KLHL29: variants seen among roughly 807,000 people sequenced by gnomAD.
The protein encoded by KLHL29 is kelch like family member 29, also known as kelch-like protein 29.
Under a neutral mutation model 80.4 loss-of-function variants are expected in KLHL29, and 21 were observed. That is an observed-to-expected ratio of 0.26 (90% confidence interval 0.19 to 0.38). KLHL29 has a LOEUF of 0.38. Ranked by LOEUF, KLHL29 falls within the 10% of genes least tolerant of loss-of-function variation. The probability of loss-of-function intolerance (pLI) is 1.00; values close to 1 mark genes in which losing one functional copy is unlikely to be tolerated. For synonymous variants in KLHL29, 511 were observed against 526.8 expected (o/e 0.97, Z 0.41); for missense variants, 867 against 1,223.9 (o/e 0.71, Z 4.35).
intron 2 of KLHL29, among the ~76,000 whole-genome samples, chr2:23,550,188 G>T (rs1052020657): frequency 3.3e-5 from 5 of 152,200 alleles, no homozygotes; most frequent in African/African-American, 9.7e-5. Context: ...AAGGAGGTGG[G>T]CAGTGAACTT....
At chr2:23,582,497 C>T (rs955837121) in intron 3 of KLHL29, among the ~76,000 whole-genome samples, 6 of 152,084 alleles carry the variant, frequency 3.9e-5, no homozygotes, top group African/African-American at 1.4e-4. Context: ...TCAGGGGTCC[C>T]GGGGGCTTGG....
At chr2:23,403,711 AAGAGAG>A (rs370645378) in intron 1 of KLHL29, among the ~76,000 whole-genome samples, 1 of 140,142 alleles carries the variant, frequency 7.1e-6, no homozygotes, top group African/African-American at 2.7e-5. Flanking sequence ...ATGAAACCCA[AAGAGAG>A]AGAGAGAGAG....
At chr2:23,526,878 T>C (rs1272598499) in intron 2 of KLHL29, among the ~76,000 whole-genome samples, 1 of 152,194 alleles carries the variant, frequency 6.6e-6, no homozygotes, top group East Asian at 1.9e-4. Flanking sequence ...GTGGGTTTTT[T>C]TTGTCCACCA....
intron 1 of KLHL29, among the ~76,000 whole-genome samples, chr2:23,439,287 G>T (rs1375225836): frequency 6.6e-6 from 1 of 152,094 alleles, no homozygotes; most frequent in Non-Finnish European, 1.5e-5. Flanking sequence ...ATTTTTTGAA[G>T]GGTTTTTTTT....
rs1664084690 is a variant in KLHL29, at chr2:23,457,361, A to T, written c.-153-18199A>T. Among the ~76,000 whole-genome samples the T allele has an allele frequency of 6.6e-6, 1 of 152,092 alleles. No individual in the cohort carries two copies. The highest frequency in any genetic ancestry group is 2.4e-5 in the African/African-American group (1 of 41,416). ...GGCTTTGAGCTGTGGGGACCTAGAGAAGAGACAGCCAGAGGTTCTTAATTC... is the reference window on the plus strand; with the variant it reads ...GGCTTTGAGCTGTGGGGACCTAGAGTAGAGACAGCCAGAGGTTCTTAATTC... On this transcript the variant is annotated intron_variant, in intron 1 of 13. Transcript: ENST00000486442. This position sits in a 1 kb window ranked among gnomAD's most constrained non-coding sequence, Gnocchi z 4.3.
At chr2:23,614,070 C>T (rs1021523508) in intron 3 of KLHL29, among the ~76,000 whole-genome samples, 2 of 152,214 alleles carry the variant, frequency 1.3e-5, no homozygotes, top group Non-Finnish European at 2.9e-5. Context: ...AGATGCGTAT[C>T]TGACGGCCTC....
intron 1 of KLHL29, among the ~76,000 whole-genome samples, chr2:23,453,029 G>A (rs897565140): frequency 6.6e-6 from 1 of 151,604 alleles, no homozygotes; most frequent in African/African-American, 2.4e-5. Context: ...CTGGGTCTGG[G>A]TTTGCCTCCC....
chr2:23,498,532 G>A (rs896194162), intron 2 of KLHL29, among the ~76,000 whole-genome samples: 5 of 152,242 alleles, frequency 3.3e-5, no homozygotes, highest in Non-Finnish European at 7.3e-5. Flanking sequence ...TGAGGCTCAG[G>A]AAGGTTTTCG....
chr2:23,516,786 G>A (rs1241580080), intron 2 of KLHL29, among the ~76,000 whole-genome samples: 2 of 152,356 alleles, frequency 1.3e-5, no homozygotes, highest in East Asian at 3.9e-4. Flanking sequence ...CACTGGGGAG[G>A]CCACAGAGGA....
At chr2:23,569,900 C>T (rs1042462550) in intron 3 of KLHL29, among the ~76,000 whole-genome samples, 3 of 152,188 alleles carry the variant, frequency 2.0e-5, no homozygotes, top group African/African-American at 7.2e-5. Context: ...TGGCCTAAGC[C>T]TTCGAAAAGC....
intron 3 of KLHL29, among the ~76,000 whole-genome samples, chr2:23,594,213 G>C (rs1443843408): frequency 6.6e-6 from 1 of 152,148 alleles, no homozygotes; most frequent in African/African-American, 2.4e-5. Flanking sequence ...TTATTTGGGA[G>C]TGCTCCGGGG....
At chr2:23,693,248 G>T in intron 7 of KLHL29, 21 bp from the exon 8 acceptor site, 1 of 1,535,384 alleles carries the variant, frequency 6.5e-7, no homozygotes. Context: ...TGGGTCAGTG[G>T]TCCTGCGCTG....
intron 1 of KLHL29, among the ~76,000 whole-genome samples, chr2:23,417,733 C>T (rs1006696100): frequency 1.3e-5 from 2 of 152,176 alleles, no homozygotes; most frequent in Admixed American, 6.5e-5. Context: ...TGCTCTTTTC[C>T]TGTCATAGAC....
Position 23,562,339 on chromosome 2 carries a change from G to A in KLHL29, c.143G>A (p.Ser48Asn), listed in dbSNP as rs1323014033. 1.3e-6 allele frequency: 2 copies of A among 1,544,562 alleles called. No individual in the cohort carries two copies. The highest frequency in any genetic ancestry group is 2.0e-5 in the Admixed American group (1 of 50,858). Residue 48 changes from serine (S) to asparagine (N), a missense_variant, in exon 3 of 14, where the codon AGC (serine) becomes AAC (asparagine). This residue lies in a region of KLHL29 where 424 missense variants were observed against 456.9 expected (regional missense o/e 0.93). Coordinates refer to ENST00000486442, the MANE Select transcript of KLHL29 (RefSeq NM_052920.2). This position sits in a 1 kb window ranked among gnomAD's most constrained non-coding sequence, Gnocchi z 4.5. ...GGTGGCGGCACAGCCAGCAGCCTCA[G>A]CGTCCGGCCCGGCCTCCTGCCGCTG... The part of the protein sequence containing the change: ...GAGGGTASSL[S>N]VRPGLLPLPV...
chr2:23,521,395 C>T (rs1666098176), intron 2 of KLHL29, among the ~76,000 whole-genome samples: 1 of 152,244 alleles, frequency 6.6e-6, no homozygotes, highest in African/African-American at 2.4e-5. Flanking sequence ...TGTCAGAAAC[C>T]TCTAGCAGGA....
intron 3 of KLHL29, among the ~76,000 whole-genome samples, chr2:23,607,454 T>G (rs1447371227): frequency 1.3e-5 from 2 of 152,230 alleles, no homozygotes; most frequent in Non-Finnish European, 2.9e-5. Flanking sequence ...TAGCAATCCA[T>G]TTTGGTTTTT....
At chr2:23,577,635 C>A (rs1007794642) in intron 3 of KLHL29, among the ~76,000 whole-genome samples, 3 of 151,790 alleles carry the variant, frequency 2.0e-5, no homozygotes, top group African/African-American at 7.3e-5. Flanking sequence ...GTAATCCCAG[C>A]TACTCTGGAG....
At chr2:23,557,557 G>A (rs1175332471) in intron 2 of KLHL29, among the ~76,000 whole-genome samples, 1 of 152,044 alleles carries the variant, frequency 6.6e-6, no homozygotes, top group Non-Finnish European at 1.5e-5. Flanking sequence ...GGGAGGTGCG[G>A]GGTGCTGGGG....
intron 1 of KLHL29, among the ~76,000 whole-genome samples, chr2:23,435,080 G>A (rs1663300632): frequency 6.6e-6 from 1 of 152,198 alleles, no homozygotes; most frequent in African/African-American, 2.4e-5. Flanking sequence ...GGCCTGAACT[G>A]GGTGTGATGG....
Sources: allele counts gnomAD v4.1 joint callset (sites outside exome capture counted in the v4.1 genomes callset), GRCh38; gene constraint gnomAD v4.1.1; regional missense constraint gnomAD v4.1.1; non-coding constraint Gnocchi (gnomAD v3.1); transcripts MANE v1.5; gene names NCBI Gene and HGNC (gene_info 2026-07-23, HGNC 2026-07-21).